OLFM3: variants seen among roughly 807,000 people sequenced by gnomAD.
The protein encoded by OLFM3 is noelin-3.
A neutral mutation model predicts 48.6 loss-of-function variants in OLFM3; 20 were observed. The ratio of observed to expected loss-of-function variants is 0.41; its 90% CI spans 0.29 to 0.60. The LOEUF (loss-of-function observed/expected upper bound fraction) is 0.60. Among genes scored for constraint, OLFM3 ranks in the 20% least tolerant of loss-of-function variants. The pLI, the probability that OLFM3 is intolerant of heterozygous loss-of-function variation, is 0.28. For synonymous variants in OLFM3, 222 were observed against 198.1 expected (o/e 1.12, Z -1.01); for missense variants, 437 against 544.3 (o/e 0.80, Z 1.96).
chr1:101,916,372 A>T (rs1381983363), intron 1 of OLFM3, among the ~76,000 whole-genome samples: 6 of 151,852 alleles, frequency 4.0e-5, no homozygotes, highest in Admixed American at 2.6e-4. Flanking sequence ...ATCTTACATT[A>T]TCACTTTGAA....
chr1:101,840,190 T>A (rs1655645545), intron 1 of OLFM3, among the ~76,000 whole-genome samples: 1 of 152,176 alleles, frequency 6.6e-6, no homozygotes, highest in Non-Finnish European at 1.5e-5. Flanking sequence ...ATAAGAACAA[T>A]TATTTAGGTG....
At chr1:101,872,666 T>C (rs2100978341) in intron 1 of OLFM3, among the ~76,000 whole-genome samples, 1 of 152,140 alleles carries the variant, frequency 6.6e-6, no homozygotes, top group African/African-American at 2.4e-5. Context: ...TGATGATGAA[T>C]GATAATTATT....
chr1:101,915,758 T>C (rs572374712), intron 1 of OLFM3, among the ~76,000 whole-genome samples: 65 of 152,294 alleles, frequency 4.3e-4, no homozygotes, highest in African/African-American at 1.5e-3. Context: ...GTTATTTCCA[T>C]ATACTTGCCA....
intron 1 of OLFM3, among the ~76,000 whole-genome samples, chr1:101,942,281 C>G (rs1217288654): frequency 6.6e-6 from 1 of 152,036 alleles, no homozygotes; most frequent in East Asian, 1.9e-4. Context: ...TGTCTAAAGA[C>G]CACAGAATGA....
intron 1 of OLFM3, among the ~76,000 whole-genome samples, chr1:101,972,148 C>T (rs889906745): frequency 6.6e-6 from 1 of 152,074 alleles, no homozygotes; most frequent in Non-Finnish European, 1.5e-5. Context: ...GATTTTACTG[C>T]TTTCATCTTC....
chr1:101,827,410 C>T lies in OLFM3; in HGVS notation c.373-2165G>A, dbSNP rs575699528. Among the ~76,000 whole-genome samples the T allele has an allele frequency of 8.5e-5, 13 of 152,144 alleles. 1 individual carries two copies. The South Asian group carries it at 2.7e-3, about 32-fold the overall frequency. ...TCTCGGCTCACTGCAAACTCCACCTCCCGGGTTCACGCCATTCTCCTGCCT... is the reference window on the plus strand; with the variant it reads ...TCTCGGCTCACTGCAAACTCCACCTTCCGGGTTCACGCCATTCTCCTGCCT... On this transcript the variant is annotated intron_variant, in intron 3 of 5. Transcript: ENST00000370103.
At chr1:101,996,056 CT>C (rs1661547250) in intron 1 of OLFM3, among the ~76,000 whole-genome samples, 1 of 152,208 alleles carries the variant, frequency 6.6e-6, no homozygotes, top group Non-Finnish European at 1.5e-5. Flanking sequence ...AGTTCAACGT[CT>C]ATGAGTTAAC....
At chr1:101,996,275 T>C (rs777297701) in intron 1 of OLFM3, among the ~76,000 whole-genome samples, 1 of 152,160 alleles carries the variant, frequency 6.6e-6, no homozygotes, top group African/African-American at 2.4e-5. Flanking sequence ...ATCCCAAATG[T>C]TTTGGACACA....
intron 1 of OLFM3, among the ~76,000 whole-genome samples, chr1:101,868,032 C>G (rs139033462): frequency 1.3e-5 from 2 of 152,164 alleles, no homozygotes; most frequent in East Asian, 1.9e-4. Context: ...CCTTCCACCA[C>G]GACTGTAAGT....
At chr1:101,891,692 A>G (rs1658005607) in intron 1 of OLFM3, among the ~76,000 whole-genome samples, 1 of 151,970 alleles carries the variant, frequency 6.6e-6, no homozygotes, top group South Asian at 2.1e-4. Flanking sequence ...GTAGACAAGC[A>G]TGGTGCTTAG....
At chr1:101,922,480 C>T (rs1377188644) in intron 1 of OLFM3, among the ~76,000 whole-genome samples, 1 of 152,042 alleles carries the variant, frequency 6.6e-6, no homozygotes, top group Non-Finnish European at 1.5e-5. Flanking sequence ...ATAGCATCTC[C>T]CTGATTCTAG....
intron 1 of OLFM3, among the ~76,000 whole-genome samples, chr1:101,896,670 ATT>A (rs3079210): frequency 0.29 from 31,123 of 105,556 alleles, 3,992 homozygotes; most frequent in East Asian, 0.36. Flanking sequence ...GATTTTTTGT[ATT>A]TTTTTTTTTT....
intron 1 of OLFM3, among the ~76,000 whole-genome samples, chr1:101,942,411 G>T (rs6677278): frequency 0.3 from 46,157 of 151,864 alleles, 7,997 homozygotes; most frequent in Middle Eastern, 0.48. Context: ...CTTATGTTTT[G>T]GGTCCCATGG....
At chr1:101,894,632 GT>G (rs1240288419) in intron 1 of OLFM3, among the ~76,000 whole-genome samples, 1 of 151,998 alleles carries the variant, frequency 6.6e-6, no homozygotes, top group Non-Finnish European at 1.5e-5. Flanking sequence ...GAGAAATAGA[GT>G]ATTTGGCATA....
At chr1:101,922,473 G>T (rs935913487) in intron 1 of OLFM3, among the ~76,000 whole-genome samples, 1 of 152,076 alleles carries the variant, frequency 6.6e-6, no homozygotes, top group Non-Finnish European at 1.5e-5. Flanking sequence ...TTCAAAAATA[G>T]CATCTCCCTG....
intron 1 of OLFM3, among the ~76,000 whole-genome samples, chr1:101,874,961 T>G (rs188404631): frequency 1.3e-5 from 2 of 152,098 alleles, no homozygotes; most frequent in East Asian, 3.9e-4. Context: ...TTCTCTTATT[T>G]GTGGATTAGA....
chr1:101,922,655 G>C lies in OLFM3; in HGVS notation c.69+74093C>G, dbSNP rs141202305. ...CCCGTCAGAAATCTCTTGTATTTGT[G>C]TTCTCTGAAGTAAGAATGATTAAAA... On this transcript the variant is annotated intron_variant, in intron 1 of 5. Coordinates refer to ENST00000370103, the MANE Select transcript of OLFM3 (RefSeq NM_058170.4). Among the ~76,000 whole-genome samples, 936 of 152,226 alleles carry C rather than the reference G, an allele frequency of 6.1e-3. 12 individuals carry two copies. Among genetic ancestry groups the C allele is most frequent in the African/African-American group, 0.022 (895 of 41,528 alleles).
intron 1 of OLFM3, among the ~76,000 whole-genome samples, chr1:101,929,333 A>G (rs529230420): frequency 6.6e-6 from 1 of 152,278 alleles, no homozygotes; most frequent in East Asian, 1.9e-4. Flanking sequence ...TGGGAAACCC[A>G]CTTCTTGTGT....
chr1:101,949,754 C>A (rs1660064217), intron 1 of OLFM3, among the ~76,000 whole-genome samples: 1 of 151,904 alleles, frequency 6.6e-6, no homozygotes. Flanking sequence ...CACGGGGAAA[C>A]CCCGTCTCTA....
Sources: gnomAD v4.1 joint callset for allele counts (sites outside exome capture counted in the v4.1 genomes callset) on GRCh38, gnomAD v4.1.1 for gene constraint, MANE v1.5 for transcripts, NCBI Gene and HGNC (gene_info 2026-07-23, HGNC 2026-07-21) for gene names.